The following SPATS2L variants were observed in gnomAD, a reference collection of about 807,000 sequenced individuals.
SPATS2L encodes SPATS2-like protein.
Under a neutral mutation model 59.6 loss-of-function variants are expected in SPATS2L, and 30 were observed. The ratio of observed to expected loss-of-function variants is 0.50; its 90% CI spans 0.38 to 0.68. SPATS2L has a LOEUF of 0.68. Ranked by LOEUF, SPATS2L falls within the 30% of genes least tolerant of loss-of-function variation. The probability of loss-of-function intolerance (pLI) is 0.00; values close to 1 mark genes in which losing one functional copy is unlikely to be tolerated. For missense variants in SPATS2L, 615 were observed against 700.0 expected (o/e 0.88, Z 1.37); for synonymous variants, 252 against 263.5 (o/e 0.96, Z 0.42).
At chr2:200,307,053 C>T (rs930784904) in intron 1 of SPATS2L, 131 bp downstream of exon 1, 1 of 776,838 alleles carries the variant, frequency 1.3e-6, no homozygotes, top group African/African-American at 1.9e-5. Context: ...GCCCAGCCTC[C>T]GCCGCCTCCC....
chr2:200,359,758 A>T (rs1391709616), intron 2 of SPATS2L, among the ~76,000 whole-genome samples: 2 of 152,168 alleles, frequency 1.3e-5, no homozygotes, highest in Non-Finnish European at 2.9e-5. Flanking sequence ...GTTCATTTCA[A>T]CACATATACA....
intron 3 of SPATS2L, chr2:200,392,952 G>T (rs982022998): frequency 3.1e-5 from 10 of 324,752 alleles, no homozygotes; most frequent in African/African-American, 2.0e-4. Flanking sequence ...AGTAGGAGAA[G>T]CGGAGTTTGT....
At chr2:200,306,142 T>C (rs1312047383), upstream of SPATS2L, 6 of 992,560 alleles carry the variant, frequency 6.0e-6, no homozygotes, top group Non-Finnish European at 6.0e-6. Flanking sequence ...CAGCACTTTT[T>C]CCGCGCCTGA....
At chr2:200,355,215 C>T (rs1189459397) in intron 2 of SPATS2L, among the ~76,000 whole-genome samples, 1 of 152,178 alleles carries the variant, frequency 6.6e-6, no homozygotes, top group African/African-American at 2.4e-5. Context: ...AAACTTGGCC[C>T]TTCTGGAAAA....
chr2:200,354,399 G>A (rs973249129), intron 2 of SPATS2L, among the ~76,000 whole-genome samples: 7 of 152,080 alleles, frequency 4.6e-5, no homozygotes, highest in East Asian at 1.9e-4. Flanking sequence ...GCTTGAGGCC[G>A]AGAGTTTGAG....
At chr2:200,352,937 C>G (rs916991337) in intron 2 of SPATS2L, among the ~76,000 whole-genome samples, 8 of 152,162 alleles carry the variant, frequency 5.3e-5, no homozygotes, top group Admixed American at 1.3e-4. Context: ...CTAGTGTTCT[C>G]AAAGCCACAT....
chr2:200,412,517 G>A lies in SPATS2L; in HGVS notation c.148+98G>A, dbSNP rs1277664078. On this transcript the variant is annotated intron_variant, in intron 4 of 12. Coordinates refer to ENST00000409140, the MANE Select transcript of SPATS2L (RefSeq NM_001100423.2). ...AATGAACTGAATATCAATTCATTAT[G>A]TGTACTTTAGGTCTCATAGAAATGT... 8.3e-6 allele frequency: 5 copies of A among 601,488 alleles called. No individual in the cohort carries two copies. In the African/African-American group the frequency reaches 9.6e-5, roughly 12 times the overall value. The allele number at this position is 601,488 out of a possible 1,614,324, so 37.3% of individuals were successfully genotyped here. A position where few individuals can be genotyped will look rare whatever the true frequency, so the allele number is the denominator to read the frequency against.
intron 1 of SPATS2L, among the ~76,000 whole-genome samples, chr2:200,325,993 G>A (rs1228499988): frequency 2.0e-5 from 3 of 152,170 alleles, no homozygotes; most frequent in Non-Finnish European, 4.4e-5. Context: ...CAGGCAAAAT[G>A]ATGCTCAAGG....
chr2:200,351,185 T>C (rs2080718143), intron 2 of SPATS2L: 2 of 469,130 alleles, frequency 4.3e-6, no homozygotes, highest in Non-Finnish European at 8.9e-6. Flanking sequence ...AGTGCATTTG[T>C]GTATTTCTTC....
intron 2 of SPATS2L, 108 bp from the exon 3 acceptor site, chr2:200,389,115 A>G: frequency 1.5e-6 from 1 of 672,348 alleles, no homozygotes; most frequent in Non-Finnish European, 2.5e-6. Flanking sequence ...CTAAAATGAT[A>G]TTTATGATTA....
intron 6 of SPATS2L, among the ~76,000 whole-genome samples, chr2:200,428,550 C>A (rs2083721286): frequency 6.6e-6 from 1 of 152,184 alleles, no homozygotes; most frequent in Admixed American, 6.5e-5. Context: ...ATTATTTCAG[C>A]CATACTCTAG....
At chr2:200,357,593 A>G (rs971115206) in intron 2 of SPATS2L, among the ~76,000 whole-genome samples, 5 of 152,160 alleles carry the variant, frequency 3.3e-5, no homozygotes, top group African/African-American at 7.2e-5. Context: ...TGAAAAGCCA[A>G]CCCAGACCAA....
At position 200,433,807 on chromosome 2, in the gene SPATS2L, A is replaced by C. The variant is rs187723299; in HGVS notation, c.446-5315A>C. Among the ~76,000 whole-genome samples, 17 of 152,206 alleles carry C rather than the reference A, an allele frequency of 1.1e-4. No individual in the cohort carries two copies. The South Asian group carries it at 2.7e-3, about 24-fold the overall frequency. On this transcript the variant is annotated intron_variant, in intron 6 of 12. Transcript: ENST00000409140. ...AATCTGAATAACACTATGCTTACCA[A>C]GGAAATTCATAATTAAAATTTCCAG...
intron 8 of SPATS2L, among the ~76,000 whole-genome samples, chr2:200,451,395 C>A (rs1388371573): frequency 6.6e-6 from 1 of 152,112 alleles, no homozygotes; most frequent in Non-Finnish European, 1.5e-5. Context: ...AAGCACATCC[C>A]TCTCAAATCA....
At chr2:200,388,622 C>T (rs199911633) in intron 2 of SPATS2L, among the ~76,000 whole-genome samples, 8 of 130,922 alleles carry the variant, frequency 6.1e-5, no homozygotes, top group Admixed American at 1.6e-4. Context: ...GCCCCCCCCC[C>T]ACCCAGAAAA....
intron 3 of SPATS2L, chr2:200,393,380 G>A: frequency 2.2e-6 from 1 of 455,686 alleles, no homozygotes; most frequent in Admixed American, 2.4e-5. Flanking sequence ...CAGAGGTTCA[G>A]TGTAAATGCT....
In SPATS2L at chr2:200,478,132, C is replaced by G; in HGVS notation, c.*101C>G. The G allele has an allele frequency of 1.8e-6, 2 of 1,129,260 alleles. No homozygotes were observed. The highest frequency in any genetic ancestry group is 3.5e-5 in the South Asian group (2 of 57,226). The allele number at this position is 1,129,260 out of a possible 1,614,324, so 70.0% of individuals were successfully genotyped here. On this transcript the variant is annotated 3_prime_UTR_variant, in exon 13 of 13. Transcript: ENST00000409140. ...GAGTGTCAATCAGAATATACAAATC[C>G]CGTATGGTTGTGTCATCCTCTCTTA...
intron 6 of SPATS2L, among the ~76,000 whole-genome samples, chr2:200,424,402 T>C (rs1278793055): frequency 6.6e-6 from 1 of 151,912 alleles, no homozygotes; most frequent in Admixed American, 6.6e-5. Flanking sequence ...GGTGGGAAAA[T>C]CCTTTGAGCC....
At position 200,419,296 on chromosome 2, in the gene SPATS2L, A is replaced by G; in HGVS notation, c.245A>G (p.Lys82Arg). 1 of 1,599,574 alleles carries G rather than the reference A, an allele frequency of 6.3e-7. No homozygotes were observed. The highest frequency in any genetic ancestry group is 8.5e-7 in the Non-Finnish European group (1 of 1,172,570). Residue 82 changes from lysine to arginine, a missense_variant, in exon 6 of 13, where the codon AAA becomes AGA. Physicochemically the swap from Lys to Arg is conservative, Grantham distance 26 (BLOSUM62 2). Coordinates refer to ENST00000409140, the MANE Select transcript of SPATS2L (RefSeq NM_001100423.2). ...RSKSKQHQGN[K>R]DAKDKVERPE... ...AAGTCCAAGCAGCATCAAGGCAACAAAGATGCTAAAGACAAGGTGGAGAGG... is the reference window on the plus strand; with the variant it reads ...AAGTCCAAGCAGCATCAAGGCAACAGAGATGCTAAAGACAAGGTGGAGAGG...
Sources: allele counts gnomAD v4.1 joint callset (sites outside exome capture counted in the v4.1 genomes callset), GRCh38; gene constraint gnomAD v4.1.1; transcripts MANE v1.5; gene names NCBI Gene and HGNC (gene_info 2026-07-23, HGNC 2026-07-21).